The following IL1RAPL1 variants were observed in gnomAD, a reference collection of about 807,000 sequenced individuals.
IL1RAPL1 encodes interleukin 1 receptor accessory protein like 1, also known as interleukin-1 receptor accessory protein-like 1.
A neutral mutation model predicts 48.4 loss-of-function variants in IL1RAPL1; 3 were observed. The ratio of observed to expected loss-of-function variants is 0.06; its 90% confidence interval spans 0.03 to 0.16. The LOEUF is 0.16. Ranked by LOEUF, IL1RAPL1 falls within the 10% of genes least tolerant of loss-of-function variation. The pLI is 1.00. For synonymous variants in IL1RAPL1, 185 were observed against 187.7 expected (o/e 0.99, Z 0.12); for missense variants, 349 against 530.6 (o/e 0.66, Z 3.36).
chrX:29,139,372 G>C (rs1250518002), intron 2 of IL1RAPL1, among the ~76,000 whole-genome samples: 2 of 110,695 alleles, frequency 1.8e-5, no homozygotes, highest in South Asian at 7.5e-4. Flanking sequence ...GAGCAGCTAT[G>C]TTAAAGTATA....
chrX:29,753,841 T>G (rs1030428426), intron 6 of IL1RAPL1, among the ~76,000 whole-genome samples: 10 of 111,979 alleles, frequency 8.9e-5, no homozygotes, highest in African/African-American at 2.9e-4. Context: ...TTGTGCAACT[T>G]TAAGGAAATG....
intron 6 of IL1RAPL1, among the ~76,000 whole-genome samples, chrX:29,834,110 C>G (rs1364282997): frequency 8.9e-6 from 1 of 112,333 alleles, no homozygotes; most frequent in Non-Finnish European, 1.9e-5. Flanking sequence ...TTGAATACTT[C>G]TTAAAAGTTC....
chrX:29,227,371 A>G (rs1349264637), intron 2 of IL1RAPL1, among the ~76,000 whole-genome samples: 2 of 111,611 alleles, frequency 1.8e-5, no homozygotes, highest in Admixed American at 9.5e-5. Context: ...CCAGCTTTTC[A>G]TGAATGAAGT....
intron 2 of IL1RAPL1, among the ~76,000 whole-genome samples, chrX:29,085,703 G>A (rs1927938933): frequency 9.0e-6 from 1 of 111,647 alleles, no homozygotes; most frequent in Non-Finnish European, 1.9e-5. Flanking sequence ...TAGGGCATAA[G>A]AAGGAGTGGT....
At chrX:29,940,504 T>C (rs1247682930) in intron 8 of IL1RAPL1, among the ~76,000 whole-genome samples, 8 of 112,129 alleles carry the variant, frequency 7.1e-5, no homozygotes, top group African/African-American at 2.6e-4. Flanking sequence ...TGTTTATATT[T>C]AATTGTAGTT....
chrX:29,918,226 AGAC>A (rs1320958581), intron 7 of IL1RAPL1, among the ~76,000 whole-genome samples: 2 of 75,943 alleles, frequency 2.6e-5, no homozygotes, highest in African/African-American at 1.1e-4. Context: ...TTTGTATATG[AGAC>A]CTTTTTTTTA....
intron 5 of IL1RAPL1, among the ~76,000 whole-genome samples, chrX:29,625,050 A>G (rs190181153): frequency 1.9e-3 from 213 of 111,809 alleles, no homozygotes; most frequent in African/African-American, 6.2e-3. Flanking sequence ...CTGCCTTTGT[A>G]GCACAAAAGC....
intron 2 of IL1RAPL1, among the ~76,000 whole-genome samples, chrX:29,257,501 G>A (rs1413857997): frequency 8.9e-6 from 1 of 111,733 alleles, no homozygotes; most frequent in African/African-American, 3.2e-5. Flanking sequence ...AGGTAGGAAA[G>A]ATCCTTTCAT....
In IL1RAPL1 at chrX:29,176,164, G is replaced by A. The variant is rs183302112; in HGVS notation, c.83-106774G>A. Among the ~76,000 whole-genome samples, 735 of 102,568 alleles carry A rather than the reference G, an allele frequency of 7.2e-3. 6 individuals are homozygous for A. Among genetic ancestry groups the A allele is most frequent in the African/African-American group, 0.023 (644 of 27,960 alleles). The allele number at this position is 102,568 out of a possible 115,157, so 89.1% of individuals were successfully genotyped here. ...GCTGAAGTGCAGTGGTGCGATCTCG[G>A]CTCACTACAAGCTCCACCTCCCGGG... On this transcript the variant is annotated intron_variant, in intron 2 of 10. Coordinates refer to ENST00000378993, the MANE Select transcript of IL1RAPL1 (RefSeq NM_014271.4).
chrX:29,135,028 A>G (rs1408478654), intron 2 of IL1RAPL1, among the ~76,000 whole-genome samples: 1 of 112,063 alleles, frequency 8.9e-6, no homozygotes, highest in African/African-American at 3.2e-5. Flanking sequence ...TTTTTCTAAC[A>G]AACACATAGC....
At chrX:29,477,987 C>A (rs59372791) in intron 5 of IL1RAPL1, among the ~76,000 whole-genome samples, 12,397 of 111,653 alleles carry the variant, frequency 0.11, 1,196 homozygotes, top group African/African-American at 0.32. Flanking sequence ...AATAACCAAA[C>A]AACCTCACTA....
At chrX:29,524,043 A>G (rs748233461) in intron 5 of IL1RAPL1, among the ~76,000 whole-genome samples, 147 of 110,887 alleles carry the variant, frequency 1.3e-3, no homozygotes, top group Non-Finnish European at 2.6e-3. Context: ...GTAATATTAG[A>G]TAGACATATT....
chrX:29,334,920 C>T (rs1277364223), intron 3 of IL1RAPL1, among the ~76,000 whole-genome samples: 1 of 112,856 alleles, frequency 8.9e-6, no homozygotes, highest in African/African-American at 3.2e-5. Flanking sequence ...GGGGCCAATG[C>T]AGGCGGCTGG....
chrX:29,514,280 A>G (rs1280425659), intron 5 of IL1RAPL1, among the ~76,000 whole-genome samples: 2 of 112,150 alleles, frequency 1.8e-5, no homozygotes, highest in East Asian at 5.6e-4. Flanking sequence ...GAAACTAAGT[A>G]TACTAAAATA....
chrX:29,912,098 T>G (rs1226077026), intron 6 of IL1RAPL1, among the ~76,000 whole-genome samples: 2 of 112,122 alleles, frequency 1.8e-5, no homozygotes, highest in African/African-American at 6.5e-5. Flanking sequence ...TATAATTTAA[T>G]TTTCAATGAC....
chrX:29,763,416 T>C (rs1028752067), intron 6 of IL1RAPL1, among the ~76,000 whole-genome samples: 5 of 111,407 alleles, frequency 4.5e-5, no homozygotes, highest in African/African-American at 1.6e-4. Context: ...TGTGTTTGTA[T>C]AATAAAAGGA....
At chrX:29,096,408 C>T (rs1366840662) in intron 2 of IL1RAPL1, among the ~76,000 whole-genome samples, 4 of 111,604 alleles carry the variant, frequency 3.6e-5, no homozygotes, top group South Asian at 7.4e-4. Context: ...AATGCTTACT[C>T]GTACAGAATC....
At chrX:29,786,021 C>T (rs866169990) in intron 6 of IL1RAPL1, among the ~76,000 whole-genome samples, 3 of 8,336 alleles carry the variant, frequency 3.6e-4, no homozygotes, top group Admixed American at 1.9e-3. Flanking sequence ...TTTAAAAAGG[C>T]GGGCGGGGGG....
chrX:29,171,661 TAGA>T (rs1039592747), intron 2 of IL1RAPL1, among the ~76,000 whole-genome samples: 4 of 112,166 alleles, frequency 3.6e-5, no homozygotes, highest in South Asian at 3.6e-4. Context: ...AATATATAAA[TAGA>T]AGTAAAGTTA....
Sources: allele counts gnomAD v4.1 joint callset (sites outside exome capture counted in the v4.1 genomes callset), GRCh38; gene constraint gnomAD v4.1.1; transcripts MANE v1.5; gene names NCBI Gene and HGNC (gene_info 2026-07-23, HGNC 2026-07-21).